The following CCBE1 variants were observed in gnomAD, a reference collection of about 807,000 sequenced individuals.
The protein encoded by CCBE1 is collagen and calcium binding EGF domains 1.
A neutral mutation model predicts 50.0 loss-of-function variants in CCBE1; 37 were observed. The ratio of observed to expected loss-of-function variants is 0.74; its 90% CI spans 0.57 to 0.97. The LOEUF is 0.97. Ranked by LOEUF, CCBE1 falls within the 50% of genes least tolerant of loss-of-function variation. CCBE1 has a pLI of 0.00. For synonymous variants in CCBE1, 234 were observed against 203.7 expected, an observed-to-expected ratio of 1.15 and a Z score of -1.27; for missense variants, 538 against 523.8, an observed-to-expected ratio of 1.03 and a Z score of -0.26.
chr18:59,588,784 C>T (rs1040989602), intron 2 of CCBE1, among the ~76,000 whole-genome samples: 4 of 152,086 alleles, frequency 2.6e-5, no homozygotes, highest in African/African-American at 9.7e-5. Flanking sequence ...ACCAGCAATG[C>T]CCAGCATTTT....
At chr18:59,453,865 G>A (rs2143669960) in intron 6 of CCBE1, among the ~76,000 whole-genome samples, 1 of 152,308 alleles carries the variant, frequency 6.6e-6, no homozygotes, top group South Asian at 2.1e-4. Context: ...TCTGGGTCCA[G>A]GACAGTTGTT....
chr18:59,646,645 C>G (rs1172185548), intron 2 of CCBE1, among the ~76,000 whole-genome samples: 1 of 152,180 alleles, frequency 6.6e-6, no homozygotes, highest in African/African-American at 2.4e-5. Context: ...TGGGTCTAAC[C>G]TAATACAGTT....
At chr18:59,668,593 C>T (rs1464844560) in intron 2 of CCBE1, among the ~76,000 whole-genome samples, 1 of 151,968 alleles carries the variant, frequency 6.6e-6, no homozygotes, top group Non-Finnish European at 1.5e-5. Flanking sequence ...CAAAATTGTA[C>T]TCTTATCATT....
At chr18:59,664,501 A>T (rs1054509528) in intron 2 of CCBE1, among the ~76,000 whole-genome samples, 1 of 152,202 alleles carries the variant, frequency 6.6e-6, no homozygotes, top group African/African-American at 2.4e-5. Flanking sequence ...CACCTACTGC[A>T]AGACATCCAC....
At chr18:59,447,739 T>A (rs1330582470) in intron 7 of CCBE1, among the ~76,000 whole-genome samples, 2 of 152,234 alleles carry the variant, frequency 1.3e-5, no homozygotes, top group African/African-American at 4.8e-5. Flanking sequence ...TCTTTAGGAA[T>A]CTTATCCAAT....
intron 2 of CCBE1, among the ~76,000 whole-genome samples, chr18:59,565,301 G>C (rs1386328160): frequency 6.6e-6 from 1 of 152,232 alleles, no homozygotes; most frequent in East Asian, 1.9e-4. Flanking sequence ...GTTTTGTTCA[G>C]AACAGGGCTC....
intron 2 of CCBE1, among the ~76,000 whole-genome samples, chr18:59,633,216 A>C (rs2053872748): frequency 6.6e-6 from 1 of 152,234 alleles, no homozygotes; most frequent in Admixed American, 6.5e-5. Flanking sequence ...ATGCAATTAC[A>C]CAAGGATGAT....
intron 2 of CCBE1, among the ~76,000 whole-genome samples, chr18:59,604,903 G>A (rs975833769): frequency 1.3e-5 from 2 of 152,188 alleles, no homozygotes; most frequent in Admixed American, 1.3e-4. Context: ...GGTCAAAATG[G>A]GGCAAGATGC....
chr18:59,502,844 C>A (rs945723138), intron 2 of CCBE1, among the ~76,000 whole-genome samples: 1 of 152,214 alleles, frequency 6.6e-6, no homozygotes, highest in East Asian at 1.9e-4. Flanking sequence ...CACTCACTGG[C>A]AAGGAGGGAG....
At chr18:59,490,932 A>G (rs1380733728) in intron 2 of CCBE1, among the ~76,000 whole-genome samples, 1 of 152,186 alleles carries the variant, frequency 6.6e-6, no homozygotes, top group African/African-American at 2.4e-5. Flanking sequence ...TAATTTTTGG[A>G]AGCACTGATG....
chr18:59,618,436 G>GTTT (rs1458037196), intron 2 of CCBE1, among the ~76,000 whole-genome samples: 1 of 141,646 alleles, frequency 7.1e-6, no homozygotes, highest in Non-Finnish European at 1.6e-5. Flanking sequence ...CCTTAGAAAA[G>GTTT]TTTTTTTTTT....
intron 3 of CCBE1, among the ~76,000 whole-genome samples, chr18:59,475,844 G>C (rs140260982): frequency 0.03 from 4,520 of 152,182 alleles, 212 homozygotes; most frequent in African/African-American, 0.1. Context: ...TCAGCCTCTG[G>C]AGTAGCTGGA....
intron 2 of CCBE1, among the ~76,000 whole-genome samples, chr18:59,587,368 C>A (rs1415430866): frequency 6.6e-6 from 1 of 152,160 alleles, no homozygotes; most frequent in African/African-American, 2.4e-5. Flanking sequence ...GTCACCTCAA[C>A]AGACTGCAGA....
chr18:59,454,550 ATTTAT>A (rs1347694164), intron 6 of CCBE1, among the ~76,000 whole-genome samples: 4 of 152,246 alleles, frequency 2.6e-5, no homozygotes, highest in Admixed American at 6.5e-5. Context: ...CCGGCTGGAA[ATTTAT>A]TTTATGAGAA....
chr18:59,583,691 G>A (rs564209734), intron 2 of CCBE1, among the ~76,000 whole-genome samples: 63 of 138,916 alleles, frequency 4.5e-4, no homozygotes, highest in East Asian at 1.2e-3. Context: ...GCGCGCGCGC[G>A]CGCGCGCGCG....
At chr18:59,633,281 C>T (rs1380977801) in intron 2 of CCBE1, among the ~76,000 whole-genome samples, 1 of 152,172 alleles carries the variant, frequency 6.6e-6, no homozygotes, top group Non-Finnish European at 1.5e-5. Flanking sequence ...CTGCTAAGCT[C>T]GCGACGAATT....
At chr18:59,481,957 G>A (rs1227639692) in intron 2 of CCBE1, among the ~76,000 whole-genome samples, 3 of 152,080 alleles carry the variant, frequency 2.0e-5, no homozygotes, top group Admixed American at 6.6e-5. Context: ...ATAGGTATAC[G>A]CCATGGTGGT....
chr18:59,545,584 TA>T (rs1915649969), intron 2 of CCBE1, among the ~76,000 whole-genome samples: 1 of 152,226 alleles, frequency 6.6e-6, no homozygotes, highest in Admixed American at 6.5e-5. Flanking sequence ...TGTTCTAGTT[TA>T]TTGCAATTAC....
At chr18:59,510,345 G>A (rs1914077357) in intron 2 of CCBE1, among the ~76,000 whole-genome samples, 1 of 152,096 alleles carries the variant, frequency 6.6e-6, no homozygotes, top group Non-Finnish European at 1.5e-5. Flanking sequence ...TGTTATGGAA[G>A]CTCATTAACT....
Sources: allele counts gnomAD v4.1 joint callset (sites outside exome capture counted in the v4.1 genomes callset), GRCh38; gene constraint gnomAD v4.1.1; transcripts MANE v1.5; gene names NCBI Gene and HGNC (gene_info 2026-07-23, HGNC 2026-07-21).